Variants in SEPTIN11 observed in about 807,000 individuals in gnomAD.
SEPTIN11 encodes septin 11, also known as septin-11.
A neutral mutation model predicts 51.4 loss-of-function variants in SEPTIN11; 25 were observed. That is an observed-to-expected ratio of 0.49 (90% CI 0.35 to 0.68). The LOEUF (loss-of-function observed/expected upper bound fraction) is 0.68, where lower values mean the gene tolerates loss of function less well. Among genes scored for constraint, SEPTIN11 ranks in the 30% least tolerant of loss-of-function variants. SEPTIN11 has a pLI of 0.00. For missense variants in SEPTIN11, 381 were observed against 520.8 expected (o/e 0.73, Z 2.61); for synonymous variants, 174 against 184.1 (o/e 0.95, Z 0.44).
At chr4:76,982,800 C>G (rs1722831605) in intron 1 of SEPTIN11, among the ~76,000 whole-genome samples, 2 of 152,174 alleles carry the variant, frequency 1.3e-5, no homozygotes, top group African/African-American at 2.4e-5. Flanking sequence ...CCTCCAAAGG[C>G]TAGCTAGTTT....
chr4:77,000,336 C>G (rs1724029029), intron 2 of SEPTIN11, among the ~76,000 whole-genome samples: 1 of 152,078 alleles, frequency 6.6e-6, no homozygotes, highest in Non-Finnish European at 1.5e-5. Context: ...CATTTTTATC[C>G]CGTCTTGTTT....
chr4:77,005,761 C>T lies in SEPTIN11; in HGVS notation c.303C>T (p.Thr101=), dbSNP rs1261384063. ...GGCTGAAGTTAACCATTGTTGACACCGTGGGATTTGGAGACCAGATAAATA... is the reference window on the plus strand; with the variant it reads ...GGCTGAAGTTAACCATTGTTGACACTGTGGGATTTGGAGACCAGATAAATA... ...NVRLKLTIVD[T]VGFGDQINKD... is the part of the protein sequence containing the mutation. Residue 101 remains threonine (T), a synonymous_variant, in exon 3 of 10, where the codon ACC becomes ACT. Transcript: ENST00000264893. 12 of 1,613,460 alleles carry T rather than the reference C, an allele frequency of 7.4e-6. No individual in the cohort carries two copies. The highest frequency in any genetic ancestry group is 5.3e-5 in the African/African-American group (4 of 74,852).
intron 6 of SEPTIN11, 94 bp from the exon 7 acceptor site, chr4:77,020,408 G>A: frequency 6.9e-7 from 1 of 1,440,044 alleles, no homozygotes; most frequent in South Asian, 1.3e-5. Context: ...GAGATTTCAG[G>A]AGTGATGGTA....
At position 77,005,610 on chromosome 4, in the gene SEPTIN11, G is replaced by C. The variant is rs1271422997; in HGVS notation, c.152G>C (p.Gly51Ala). The C allele has an allele frequency of 6.2e-7, 1 of 1,613,252 alleles. No homozygotes were observed. Among genetic ancestry groups the C allele is most frequent in the Non-Finnish European group, 8.5e-7 (1 of 1,179,518 alleles). ...CFNILCVGET[G>A]IGKSTLMDTL... is the part of the protein sequence containing the mutation. ...TTTTGTGGTTATGTAGGTGAGACAGGCATTGGCAAATCCACGTTAATGGAC... is the reference window on the plus strand; with the variant it reads ...TTTTGTGGTTATGTAGGTGAGACAGCCATTGGCAAATCCACGTTAATGGAC... The change falls in exon 3 of 10, where the codon GGC becomes GCC. Residue 51 changes from glycine to alanine, a missense_variant. Around this residue, in one of 2 missense-constraint regions of SEPTIN11, gnomAD observed 184 missense variants for 207.7 expected, o/e 0.89. Transcript: ENST00000264893.
rs1172667705 is a variant in SEPTIN11, at chr4:76,949,894, C to T, written c.-10C>T. 1.3e-6 allele frequency: 2 copies of T among 1,529,054 alleles called. No homozygotes were observed. The highest frequency in any genetic ancestry group is 1.2e-5 in the South Asian group (1 of 82,404). 94.7% of individuals were successfully genotyped at this position (1,529,054 alleles called of 1,614,324 possible). ...ACCCGGGCGCAGCCGGAGCCGGTGC[C>T]GCAGCTGCGATGGCCGTGGCCGTGG... is the stretch of plus-strand genomic sequence containing the variant. On this transcript the variant is annotated 5_prime_UTR_variant, in exon 1 of 10. Transcript: ENST00000264893.
chr4:76,957,965 T>C (rs1159667029), intron 1 of SEPTIN11, among the ~76,000 whole-genome samples: 1 of 152,148 alleles, frequency 6.6e-6, no homozygotes, highest in Non-Finnish European at 1.5e-5. Flanking sequence ...AAAAACCTTA[T>C]TACCTACCAT....
chr4:77,016,633 C>CACATATATATATATATATATATAT lies in SEPTIN11; in HGVS notation c.687+1617_687+1618insCATATATATATATATATATATATA, dbSNP rs1375044162. On this transcript the variant is annotated intron_variant, in intron 5 of 9. Coordinates refer to ENST00000264893, the MANE Select transcript of SEPTIN11 (RefSeq NM_018243.4). ...ATATACACATATATATATATATACACATATATATATATATATATATATACA... is the reference window on the plus strand; with the variant it reads ...ATATACACATATATATATATATACACACATATATATATATATATATATATATATATATATATATATATATATACA... 5.4e-3 allele frequency among the ~76,000 whole-genome samples: 394 copies of CACATATATATATATATATATATAT among 72,708 alleles called. 9 individuals are homozygous for CACATATATATATATATATATATAT. The highest frequency in any genetic ancestry group is 0.023 in the South Asian group (54 of 2,344). 47.7% of individuals were successfully genotyped at this position (72,708 alleles called of 152,430 possible).
intron 8 of SEPTIN11, among the ~76,000 whole-genome samples, chr4:77,029,206 C>T (rs776208470): frequency 2.0e-5 from 3 of 152,320 alleles, no homozygotes; most frequent in South Asian, 2.1e-4. Flanking sequence ...CATCTGCGCC[C>T]GTGCTTCTGC....
chr4:76,990,404 G>A (rs7655222), intron 1 of SEPTIN11, among the ~76,000 whole-genome samples: 79,163 of 151,428 alleles, frequency 0.52, 21,478 homozygotes, highest in Middle Eastern at 0.61. Context: ...CGTCTCACAA[G>A]TACACTCTAG....
chr4:76,977,729 T>TC (rs1722568823), intron 1 of SEPTIN11, among the ~76,000 whole-genome samples: 1 of 151,026 alleles, frequency 6.6e-6, no homozygotes, highest in African/African-American at 2.4e-5. Context: ...GGTTCGTCTT[T>TC]TTTTTTTTTT....
chr4:77,016,633 C>CATATATATATATATACATAT (rs1725291133), intron 5 of SEPTIN11, among the ~76,000 whole-genome samples: 1 of 72,746 alleles, frequency 1.4e-5, no homozygotes, highest in Non-Finnish European at 2.7e-5. Context: ...TATATATACA[C>CATATATATATATATACATAT]ATATATATAT....
chr4:77,013,495 G>T (rs915810867), intron 4 of SEPTIN11, among the ~76,000 whole-genome samples: 1 of 152,136 alleles, frequency 6.6e-6, no homozygotes. Context: ...CTGCCATTTT[G>T]TCTATGTTGA....
chr4:77,019,078 G>A, intron 5 of SEPTIN11, 87 bp from the exon 6 acceptor site: 3 of 1,279,804 alleles, frequency 2.3e-6, no homozygotes, highest in Non-Finnish European at 3.3e-6. Flanking sequence ...GTAGAGGCCT[G>A]CAGAAGGAGG....
chr4:76,971,585 G>A (rs1407957127), intron 1 of SEPTIN11, among the ~76,000 whole-genome samples: 1 of 146,308 alleles, frequency 6.8e-6, no homozygotes, highest in African/African-American at 2.7e-5. Context: ...TTTAGATTTA[G>A]ATTAAGATTA....
At chr4:77,016,259 A>G (rs1725215816) in intron 5 of SEPTIN11, among the ~76,000 whole-genome samples, 2 of 151,648 alleles carry the variant, frequency 1.3e-5, no homozygotes, top group African/African-American at 2.4e-5. Flanking sequence ...CCTCCCTCAT[A>G]TATGAGGAGA....
intron 2 of SEPTIN11, among the ~76,000 whole-genome samples, chr4:77,002,603 G>A (rs967722141): frequency 6.6e-6 from 1 of 152,080 alleles, no homozygotes; most frequent in Non-Finnish European, 1.5e-5. Flanking sequence ...AAGTACCTTC[G>A]GTATTGACTA....
Position 77,020,668 on chromosome 4 carries a change from C to T in SEPTIN11, c.951C>T (p.Phe317=), listed in dbSNP as rs750216211. The T allele has an allele frequency of 6.2e-7, 1 of 1,613,830 alleles. No individual in the cohort carries two copies. The change falls in exon 7 of 10, where the codon TTC becomes TTT. Residue 317 remains phenylalanine (F), a splice_region_variant and synonymous_variant. Transcript: ENST00000264893. ...FKDTDPDSKP[F]SLQETYEAKR... is the part of the protein sequence containing the mutation. The stretch of plus-strand genomic sequence containing the variant: ...ACACTGACCCTGACAGCAAACCCTT[C>T]AGGTATGAAGGCATCTAGCAATCAG...
rs547181322 is a variant in SEPTIN11, at chr4:76,984,626, A to G, written c.28-11799A>G. Among the ~76,000 whole-genome samples the G allele has an allele frequency of 1.3e-4, 20 of 152,324 alleles. No homozygotes were observed. The highest frequency in any genetic ancestry group is 3.3e-4 in the Admixed American group (5 of 15,296). Reference sequence around the variant, plus strand: ...GCACAGGACATAAAAAGTTGAGGAAAAAACTTCCAACTGCTTTGAGCCTCT... The same window carrying G: ...GCACAGGACATAAAAAGTTGAGGAAGAAACTTCCAACTGCTTTGAGCCTCT... On this transcript the variant is annotated intron_variant, in intron 1 of 9. Transcript: ENST00000264893. The surrounding 1 kb of genome is among the most constrained non-coding windows in gnomAD (Gnocchi z 4.1).
chr4:76,994,331 C>G (rs1723546987), intron 1 of SEPTIN11, among the ~76,000 whole-genome samples: 1 of 152,180 alleles, frequency 6.6e-6, no homozygotes, highest in Admixed American at 6.5e-5. Context: ...TTAAAAACAC[C>G]TGCTGTCTGA....
Sources: gnomAD v4.1 joint callset for allele counts (sites outside exome capture counted in the v4.1 genomes callset) on GRCh38, gnomAD v4.1.1 for gene constraint, gnomAD v4.1.1 regional missense constraint, Gnocchi (gnomAD v3.1) non-coding constraint, MANE v1.5 for transcripts, NCBI Gene and HGNC (gene_info 2026-07-23, HGNC 2026-07-21) for gene names.